TRAPPC9: variants seen among roughly 807,000 people sequenced by gnomAD.
TRAPPC9 encodes trafficking protein particle complex subunit 9, also known as IKK2 binding protein.
In TRAPPC9, 83 loss-of-function variants were observed where a neutral mutation model predicts 124.0. The ratio of observed to expected loss-of-function variants is 0.67; its 90% confidence interval spans 0.56 to 0.80. TRAPPC9 has a LOEUF of 0.80. TRAPPC9 is among the 30% of genes least tolerant of loss of function. TRAPPC9 has a pLI of 0.00. For missense variants in TRAPPC9, 1,302 were observed against 1,508.3 expected (o/e 0.86, Z 2.27); for synonymous variants, 638 against 617.5 (o/e 1.03, Z -0.49).
chr8:140,394,753 C>G (rs1016478231), intron 7 of TRAPPC9, among the ~76,000 whole-genome samples: 5 of 152,200 alleles, frequency 3.3e-5, no homozygotes, highest in Non-Finnish European at 5.9e-5. Flanking sequence ...AGAGCTCACA[C>G]CCAGCCACAT....
intron 16 of TRAPPC9, among the ~76,000 whole-genome samples, chr8:140,233,674 T>G (rs111799288): frequency 0.061 from 5,065 of 82,706 alleles, 186 homozygotes; most frequent in African/African-American, 0.14. Flanking sequence ...CTCTCTCCCC[T>G]ACCACACACA....
At chr8:139,800,935 G>A (rs1455654954) in intron 21 of TRAPPC9, among the ~76,000 whole-genome samples, 35 of 148,872 alleles carry the variant, frequency 2.4e-4, no homozygotes, top group African/African-American at 8.7e-4. Flanking sequence ...CCTCCCTCCG[G>A]CACCTTCCCT....
chr8:139,849,676 G>A (rs921584267), intron 21 of TRAPPC9, among the ~76,000 whole-genome samples: 2 of 152,228 alleles, frequency 1.3e-5, no homozygotes, highest in Non-Finnish European at 2.9e-5. Flanking sequence ...GAGTGTGAAC[G>A]TTTTCTGAGC....
intron 19 of TRAPPC9, among the ~76,000 whole-genome samples, chr8:139,925,687 G>A (rs1832766602): frequency 6.6e-6 from 1 of 151,464 alleles, no homozygotes; most frequent in Admixed American, 6.6e-5. Context: ...GGCAGAGGTT[G>A]CAGTGAGCTG....
intron 20 of TRAPPC9, among the ~76,000 whole-genome samples, chr8:139,897,209 C>T (rs978022999): frequency 2.6e-5 from 4 of 152,226 alleles, no homozygotes; most frequent in African/African-American, 7.2e-5. Flanking sequence ...CTCAGAGACA[C>T]GGCTGAGTTA....
intron 17 of TRAPPC9, among the ~76,000 whole-genome samples, chr8:140,161,881 A>C (rs769083541): frequency 2.0e-5 from 3 of 152,170 alleles, no homozygotes; most frequent in Non-Finnish European, 4.4e-5. Context: ...CAGGATACCC[A>C]GAGCAGCGGC....
chr8:140,346,953 A>T (rs1588188476), intron 9 of TRAPPC9, among the ~76,000 whole-genome samples: 1 of 152,208 alleles, frequency 6.6e-6, no homozygotes, highest in Admixed American at 6.5e-5. Context: ...CTGAGTCAGC[A>T]CATGGAGTGA....
chr8:139,784,398 A>G (rs533107120), intron 21 of TRAPPC9, among the ~76,000 whole-genome samples: 230 of 151,940 alleles, frequency 1.5e-3, no homozygotes, highest in Non-Finnish European at 2.0e-3. Context: ...ACATGGTGAA[A>G]CCCCATCTCT....
intron 17 of TRAPPC9, among the ~76,000 whole-genome samples, chr8:140,203,685 C>T (rs1013606035): frequency 6.6e-6 from 1 of 152,190 alleles, no homozygotes; most frequent in Non-Finnish European, 1.5e-5. Flanking sequence ...ACAGAAGAGA[C>T]CAGCTGGAAG....
chr8:140,289,986 G>T (rs928365980), intron 12 of TRAPPC9, among the ~76,000 whole-genome samples: 2 of 152,258 alleles, frequency 1.3e-5, no homozygotes, highest in South Asian at 4.1e-4. Flanking sequence ...TGTCCACCTG[G>T]CAAACTGCAA....
intron 16 of TRAPPC9, among the ~76,000 whole-genome samples, chr8:140,240,082 G>A (rs944345658): frequency 4.6e-5 from 7 of 152,062 alleles, no homozygotes; most frequent in East Asian, 3.9e-4. Context: ...GGAAGCATCC[G>A]TTATCATTAA....
intron 13 of TRAPPC9, among the ~76,000 whole-genome samples, chr8:140,285,292 C>T (rs2131724187): frequency 6.6e-6 from 1 of 152,272 alleles, no homozygotes; most frequent in East Asian, 1.9e-4. Context: ...CCTCGTTACT[C>T]CTCTCTCATC....
At chr8:139,775,639 T>A (rs777893435) in intron 21 of TRAPPC9, among the ~76,000 whole-genome samples, 1 of 152,160 alleles carries the variant, frequency 6.6e-6, no homozygotes, top group African/African-American at 2.4e-5. Flanking sequence ...CCCATAGATA[T>A]GGCCTGGCCT....
At chr8:139,831,904 G>A (rs1050736307) in intron 21 of TRAPPC9, among the ~76,000 whole-genome samples, 3 of 152,208 alleles carry the variant, frequency 2.0e-5, no homozygotes, top group African/African-American at 7.2e-5. Flanking sequence ...CGCCCACTCC[G>A]TCACGTTGCC....
intron 17 of TRAPPC9, among the ~76,000 whole-genome samples, chr8:140,171,065 AGAGTT>A (rs1248140672): frequency 6.6e-6 from 1 of 152,210 alleles, no homozygotes; most frequent in Non-Finnish European, 1.5e-5. Flanking sequence ...AACAGGTTAG[AGAGTT>A]GAGAGATGAT....
intron 5 of TRAPPC9, among the ~76,000 whole-genome samples, chr8:140,423,559 T>C (rs2070298500): frequency 6.8e-6 from 1 of 146,580 alleles, no homozygotes; most frequent in Non-Finnish European, 1.5e-5. Flanking sequence ...TGATGGAATA[T>C]GGAAAAACAA....
At chr8:140,258,741 GA>G (rs1200236370) in intron 15 of TRAPPC9, among the ~76,000 whole-genome samples, 1 of 152,268 alleles carries the variant, frequency 6.6e-6, no homozygotes, top group African/African-American at 2.4e-5. Flanking sequence ...TGGGATAAGA[GA>G]GGCCAGGCCA....
At chr8:140,309,299 T>TTG (rs2066226236) in intron 10 of TRAPPC9, among the ~76,000 whole-genome samples, 1 of 152,258 alleles carries the variant, frequency 6.6e-6, no homozygotes, top group East Asian at 1.9e-4. Flanking sequence ...AACAAACCAC[T>TTG]CTGTGTGGGG....
At chr8:140,236,923 T>G (rs2063744003) in intron 16 of TRAPPC9, among the ~76,000 whole-genome samples, 1 of 152,186 alleles carries the variant, frequency 6.6e-6, no homozygotes, top group Non-Finnish European at 1.5e-5. Context: ...GGCTCATGCC[T>G]GTAATCCCAG....
Sources: allele counts gnomAD v4.1 joint callset (sites outside exome capture counted in the v4.1 genomes callset), GRCh38; gene constraint gnomAD v4.1.1; transcripts MANE v1.5; gene names NCBI Gene and HGNC (gene_info 2026-07-23, HGNC 2026-07-21).